The following C9 variants were observed in gnomAD, a reference collection of about 807,000 sequenced individuals.
C9 encodes the protein complement component C9.
Under a neutral mutation model 65.4 loss-of-function variants are expected in C9, and 63 were observed. The ratio of observed to expected loss-of-function variants is 0.96; its 90% confidence interval spans 0.79 to 1.19. The LOEUF (loss-of-function observed/expected upper bound fraction) is 1.19. C9 is among the 50% of genes most tolerant of loss of function. The probability of loss-of-function intolerance (pLI) is 0.00; values close to 1 mark genes in which losing one functional copy is unlikely to be tolerated. For missense variants in C9, 744 were observed against 670.1 expected (o/e 1.11, Z -1.22); for synonymous variants, 229 against 227.9 (o/e 1.00, Z -0.04).
rs569239872 is a variant in C9, at chr5:39,344,794, G to C, written c.78-2598C>G. Among the ~76,000 whole-genome samples the C allele has an allele frequency of 2.0e-5, 3 of 152,292 alleles. No individual in the cohort carries two copies. In the South Asian group the frequency reaches 6.2e-4, roughly 32 times the overall value. On this transcript the variant is annotated intron_variant, in intron 1 of 10. Coordinates refer to ENST00000263408, the MANE Select transcript of C9 (RefSeq NM_001737.5). ...AGAGAAAGGTCAGCTTACCCATAAA[G>C]GGAAACCCATCAGACTAACAGCAGA... is the stretch of plus-strand genomic sequence containing the variant.
chr5:39,295,184 A>C (rs1753161705), intron 9 of C9, among the ~76,000 whole-genome samples: 1 of 151,904 alleles, frequency 6.6e-6, no homozygotes, highest in Admixed American at 6.6e-5. Flanking sequence ...CTTATTTAAC[A>C]TAGTACTGGA....
chr5:39,336,533 T>A (rs1255347292), intron 4 of C9, among the ~76,000 whole-genome samples: 1 of 152,148 alleles, frequency 6.6e-6, no homozygotes, highest in Non-Finnish European at 1.5e-5. Flanking sequence ...TTAAAAATCA[T>A]TACTGTAAGT....
intron 5 of C9, among the ~76,000 whole-genome samples, chr5:39,326,116 T>A (rs977824517): frequency 3.3e-5 from 5 of 152,196 alleles, no homozygotes; most frequent in African/African-American, 1.2e-4. Flanking sequence ...ACTATTCTAA[T>A]CACTTCACAG....
chr5:39,316,919 G>T (rs561799776), intron 5 of C9, among the ~76,000 whole-genome samples: 1 of 151,988 alleles, frequency 6.6e-6, no homozygotes, highest in Non-Finnish European at 1.5e-5. Context: ...TGAAGAATTG[G>T]CACACTGTCT....
At chr5:39,355,520 T>C (rs1392983870) in intron 1 of C9, among the ~76,000 whole-genome samples, 1 of 152,144 alleles carries the variant, frequency 6.6e-6, no homozygotes, top group African/African-American at 2.4e-5. Flanking sequence ...ACCAGATCTT[T>C]GCCTTTTATC....
intron 4 of C9, among the ~76,000 whole-genome samples, chr5:39,333,754 G>A (rs1268611811): frequency 6.6e-6 from 1 of 151,950 alleles, no homozygotes; most frequent in African/African-American, 2.4e-5. Context: ...TGCGATTGCA[G>A]GCGCGCACCG....
At chr5:39,334,807 C>T (rs573156593) in intron 4 of C9, among the ~76,000 whole-genome samples, 1 of 152,242 alleles carries the variant, frequency 6.6e-6, no homozygotes, top group Admixed American at 6.5e-5. Flanking sequence ...GCCACCCCAT[C>T]TGGGAGGTGT....
At position 39,315,832 on chromosome 5, in the gene C9, C is replaced by T; in HGVS notation, c.813G>A (p.Arg271=). 1.2e-6 allele frequency: 2 copies of T among 1,609,758 alleles called. No individual in the cohort carries two copies. The highest frequency in any genetic ancestry group is 2.2e-5 in the South Asian group (2 of 90,948). ...AAGTTTCATTTTTGGAATATGAAAA[C>T]CGAAAACTACCCTTGCCATGTAAAG... ...SISLHGKGSF[R]FSYSKNETYQ... The change falls in exon 6 of 11, where the codon CGG becomes CGA. Residue 271 remains arginine (R), a synonymous_variant. Coordinates refer to ENST00000263408, the MANE Select transcript of C9 (RefSeq NM_001737.5).
rs184287616 is a variant in C9, at chr5:39,292,639, C to T, written c.1417-3688G>A. On this transcript the variant is annotated intron_variant, in intron 9 of 10. Coordinates refer to ENST00000263408, the MANE Select transcript of C9 (RefSeq NM_001737.5). ...ATATATTATCTACAGCAAATGTTGT[C>T]GCATTGTAGTATGAGTTTATAGTGT... Among the ~76,000 whole-genome samples, 541 of 151,236 alleles carry T rather than the reference C, an allele frequency of 3.6e-3. 7 individuals carry two copies. Among genetic ancestry groups the T allele is most frequent in the African/African-American group, 0.011 (450 of 41,288 alleles).
At chr5:39,315,469 C>T (rs190851452) in intron 6 of C9, among the ~76,000 whole-genome samples, 127 of 152,192 alleles carry the variant, frequency 8.3e-4, no homozygotes, top group South Asian at 3.9e-3. Flanking sequence ...CAGTATAATT[C>T]TTCATTAAAA....
At chr5:39,333,185 T>G (rs1275953501) in intron 4 of C9, among the ~76,000 whole-genome samples, 1 of 1,996 alleles carries the variant, frequency 5.0e-4, no homozygotes, top group African/African-American at 2.2e-3. Flanking sequence ...TTCCTCATGA[T>G]AAATTAAAAT....
At chr5:39,315,665 T>C in intron 6 of C9, 110 bp downstream of exon 6, 1 of 814,908 alleles carries the variant, frequency 1.2e-6, no homozygotes, top group Non-Finnish European at 1.9e-6. Flanking sequence ...TATTTGAGAA[T>C]TTGATCCATG....
At chr5:39,347,095 C>T (rs1466696904) in intron 1 of C9, among the ~76,000 whole-genome samples, 2 of 152,136 alleles carry the variant, frequency 1.3e-5, no homozygotes, top group African/African-American at 2.4e-5. Context: ...GGAAGCATTC[C>T]CTTTGAAAAC....
chr5:39,356,117 A>G (rs550575231), intron 1 of C9, among the ~76,000 whole-genome samples: 3 of 152,340 alleles, frequency 2.0e-5, no homozygotes, highest in African/African-American at 7.2e-5. Context: ...ATTTTACTAG[A>G]CAATTTTCAA....
intron 9 of C9, among the ~76,000 whole-genome samples, chr5:39,303,628 C>T (rs994461297): frequency 2.6e-5 from 4 of 151,552 alleles, no homozygotes; most frequent in African/African-American, 9.7e-5. Context: ...TACAGCATTC[C>T]ACTTAGAGTA....
At chr5:39,320,150 C>CT (rs1753642053) in intron 5 of C9, among the ~76,000 whole-genome samples, 1 of 152,164 alleles carries the variant, frequency 6.6e-6, no homozygotes, top group Admixed American at 6.5e-5. Context: ...AAATAAAGCA[C>CT]TGGTAACTGA....
chr5:39,285,335 G>A (rs947249432), intron 10 of C9, 102 bp from the exon 11 acceptor site: 52 of 877,658 alleles, frequency 5.9e-5, no homozygotes, highest in Non-Finnish European at 9.5e-5. Context: ...CTTGCACCAC[G>A]TTGTGCCATA....
chr5:39,307,539 A>G (rs1030093895), intron 8 of C9, among the ~76,000 whole-genome samples: 6 of 152,146 alleles, frequency 3.9e-5, no homozygotes, highest in Non-Finnish European at 8.8e-5. Context: ...GACACATATT[A>G]TTGGTTGGTA....
At chr5:39,339,201 G>T (rs781770625) in intron 4 of C9, among the ~76,000 whole-genome samples, 16 of 152,178 alleles carry the variant, frequency 1.1e-4, no homozygotes, top group Non-Finnish European at 2.2e-4. Context: ...TACTAAGAGG[G>T]CCTGCAGAAC....
Sources: gnomAD v4.1 joint callset for allele counts (sites outside exome capture counted in the v4.1 genomes callset) on GRCh38, gnomAD v4.1.1 for gene constraint, MANE v1.5 for transcripts, NCBI Gene and HGNC (gene_info 2026-07-23, HGNC 2026-07-21) for gene names.